The following PLEKHA7 variants were observed in gnomAD, a reference collection of about 807,000 sequenced individuals.
PLEKHA7 encodes pleckstrin homology domain-containing family A member 7.
PLEKHA7 carries 104 observed loss-of-function variants against 170.0 expected under a neutral mutation model. The observed-to-expected ratio is 0.61, with a 90% CI of 0.52 to 0.72. PLEKHA7 has a LOEUF of 0.72. Among genes scored for constraint, PLEKHA7 ranks in the 30% least tolerant of loss-of-function variants. PLEKHA7 has a pLI of 0.00. For missense variants in PLEKHA7, 1,615 were observed against 1,671.7 expected (o/e 0.97, Z 0.59); for synonymous variants, 648 against 660.8 (o/e 0.98, Z 0.30).
At chr11:16,833,420 A>C (rs929943599) in intron 9 of PLEKHA7, among the ~76,000 whole-genome samples, 4 of 152,180 alleles carry the variant, frequency 2.6e-5, no homozygotes, top group African/African-American at 9.7e-5. Context: ...CACTTTATTC[A>C]TTCCTGCCTG....
Position 17,014,026 on chromosome 11 carries a change from C to T in PLEKHA7, c.184G>A (p.Glu62Lys), listed in dbSNP as rs1001185009. 4.4e-5 allele frequency: 69 copies of T among 1,554,416 alleles called. No homozygotes were observed. The highest frequency in any genetic ancestry group is 5.8e-5 in the Non-Finnish European group (67 of 1,149,850). The change falls in exon 3 of 27, where the codon GAG becomes AAG. Residue 62 changes from glutamate to lysine, a missense_variant. Transcript: ENST00000531066. ...CTGGCGCCCTCCTCCGTGAAGCCCT[C>T]CTCCCAGCCGCGGGGCAGGTCTGCG... ...IRSDLPRGWEEGFTEEGASYF... is the reference protein window; with the variant it reads ...IRSDLPRGWEKGFTEEGASYF...
chr11:16,990,127 T>C (rs1001301632), intron 3 of PLEKHA7, among the ~76,000 whole-genome samples: 1 of 151,044 alleles, frequency 6.6e-6, no homozygotes, highest in Non-Finnish European at 1.5e-5. Flanking sequence ...TTCTCCAGAG[T>C]TCCTCAGCTC....
At chr11:16,853,483 C>T (rs1293686377) in intron 6 of PLEKHA7, among the ~76,000 whole-genome samples, 1 of 152,206 alleles carries the variant, frequency 6.6e-6, no homozygotes, top group African/African-American at 2.4e-5. Context: ...ATATCACTTC[C>T]TCCGGGAAGC....
At chr11:16,779,112 G>A in intron 26 of PLEKHA7, 92 bp from the exon 27 acceptor site, 1 of 696,528 alleles carries the variant, frequency 1.4e-6, no homozygotes, top group South Asian at 1.5e-5. Context: ...AGGCGGACAG[G>A]CAGAGCAGCA....
chr11:16,926,925 C>G (rs1859593962), intron 3 of PLEKHA7, among the ~76,000 whole-genome samples: 1 of 152,206 alleles, frequency 6.6e-6, no homozygotes, highest in Non-Finnish European at 1.5e-5. Context: ...ATTTGGGAAC[C>G]TTCACTTGAG....
intron 3 of PLEKHA7, among the ~76,000 whole-genome samples, chr11:16,908,805 A>C (rs1858046379): frequency 6.6e-6 from 1 of 152,192 alleles, no homozygotes; most frequent in South Asian, 2.1e-4. Flanking sequence ...CAAGAAAATA[A>C]ACTTCTATCA....
chr11:16,890,375 T>A (rs960408900), intron 3 of PLEKHA7, among the ~76,000 whole-genome samples: 1 of 151,944 alleles, frequency 6.6e-6, no homozygotes, highest in African/African-American at 2.4e-5. Context: ...AAAAACAAGA[T>A]CCAACCACAT....
intron 3 of PLEKHA7, among the ~76,000 whole-genome samples, chr11:17,007,585 T>C (rs1161409068): frequency 6.6e-6 from 1 of 151,390 alleles, no homozygotes; most frequent in Non-Finnish European, 1.5e-5. Flanking sequence ...TTTTTTTTTT[T>C]TTTTTTGAGA....
Position 16,877,333 on chromosome 11 carries a change from T to C in PLEKHA7, c.222-6151A>G, listed in dbSNP as rs553145823. ...AATGTTCCTAGTTAGGTCTCAAAAC[T>C]GGAAATTGAAACTCTGAGAATACAA... is the stretch of plus-strand genomic sequence containing the variant. On this transcript the variant is annotated intron_variant, in intron 3 of 26. Coordinates refer to ENST00000531066, the MANE Select transcript of PLEKHA7 (RefSeq NM_001329630.2). Among the ~76,000 whole-genome samples the C allele has an allele frequency of 1.8e-4, 27 of 152,294 alleles. 1 individual carries two copies. The South Asian group carries it at 5.4e-3, about 30-fold the overall frequency.
intron 4 of PLEKHA7, among the ~76,000 whole-genome samples, chr11:16,863,174 T>C (rs939902135): frequency 6.6e-6 from 1 of 151,778 alleles, no homozygotes; most frequent in African/African-American, 2.4e-5. Flanking sequence ...CATAGATGAG[T>C]CTCACCCTGC....
Position 17,014,145 on chromosome 11 carries a change from G to A in PLEKHA7, c.143C>T (p.Ser48Leu). 6.2e-7 allele frequency: 1 copy of A among 1,601,858 alleles called. No homozygotes were observed. Among genetic ancestry groups the A allele is most frequent in the Non-Finnish European group, 8.5e-7 (1 of 1,175,690 alleles). The change falls in exon 2 of 27, where the codon TCG becomes TTG. Residue 48 changes from serine (S) to leucine (L), a missense_variant. By Grantham distance (145) the Ser-to-Leu change is moderately radical (BLOSUM62 -2). Coordinates refer to ENST00000531066, the MANE Select transcript of PLEKHA7 (RefSeq NM_001329630.2). ...CCCACCTGAGCGGATCATGTGGCCC[G>A]AGTTGACGGGCTCCCCGGTGCGCGG... ...LHPRTGEPVN[S>L]GHMIRSDLPR...
intron 26 of PLEKHA7, among the ~76,000 whole-genome samples, chr11:16,782,477 G>C (rs1349984624): frequency 6.6e-6 from 1 of 152,220 alleles, no homozygotes; most frequent in Non-Finnish European, 1.5e-5. Context: ...AAGTGGGGTA[G>C]CAGCACCACT....
In PLEKHA7 at chr11:16,801,074, T is replaced by G. The variant is rs1252077340; in HGVS notation, c.2309A>C (p.Glu770Ala). ...GTATTCGTTCCAAGCATTTTCCATC[T>G]CCTGTTGGCCAAGACAATGCTTCCG... Reference protein sequence around the residue: ...IRAELSRESTEMENAWNEYLK... With the variant: ...IRAELSRESTAMENAWNEYLK... Residue 770 changes from glutamate (E) to alanine (A), a missense_variant and splice_region_variant, in exon 17 of 27, where the codon GAG becomes GCG. Coordinates refer to ENST00000531066, the MANE Select transcript of PLEKHA7 (RefSeq NM_001329630.2). 1 of 1,613,932 alleles carries G rather than the reference T, an allele frequency of 6.2e-7. No individual in the cohort carries two copies. Among genetic ancestry groups the G allele is most frequent in the Admixed American group, 1.7e-5 (1 of 60,024 alleles).
chr11:16,936,294 C>G (rs898226313), intron 3 of PLEKHA7, among the ~76,000 whole-genome samples: 4 of 145,442 alleles, frequency 2.8e-5, no homozygotes, highest in African/African-American at 7.6e-5. Flanking sequence ...CCCAGCTACT[C>G]GGGAGGCTGA....
At chr11:16,779,290 T>C (rs1461443996) in intron 26 of PLEKHA7, among the ~76,000 whole-genome samples, 1 of 152,196 alleles carries the variant, frequency 6.6e-6, no homozygotes. Flanking sequence ...AAAGGTGCAG[T>C]CTGGCCCTGC....
At chr11:16,927,494 C>T (rs1193884197) in intron 3 of PLEKHA7, among the ~76,000 whole-genome samples, 1 of 152,102 alleles carries the variant, frequency 6.6e-6, no homozygotes, top group South Asian at 2.1e-4. Context: ...GCCACCAGCA[C>T]TTATCATCTC....
At chr11:16,872,129 C>T (rs542937018) in intron 3 of PLEKHA7, among the ~76,000 whole-genome samples, 1 of 152,008 alleles carries the variant, frequency 6.6e-6, no homozygotes, top group African/African-American at 2.4e-5. Flanking sequence ...CTACCACGCC[C>T]GGCTTATTTT....
intron 3 of PLEKHA7, among the ~76,000 whole-genome samples, chr11:16,918,472 ATCC>A (rs1858852109): frequency 6.6e-6 from 1 of 152,142 alleles, no homozygotes; most frequent in Non-Finnish European, 1.5e-5. Context: ...TCTCCAACCT[ATCC>A]TCTGTAACCT....
rs1239432781 is a variant in PLEKHA7 at position 16,802,038 on chromosome 11, TA to T, written c.2158-222del. On this transcript the variant is annotated intron_variant, in intron 15 of 26. Transcript: ENST00000531066. ...CTCTGTGCCTCAATTTTGTCATCTA[TA>T]AACTAGGGATACAGCTGTCTAACTC... Among the ~76,000 whole-genome samples the T allele has an allele frequency of 3.9e-5, 6 of 152,006 alleles. No homozygotes were observed. In the East Asian group the frequency reaches 1.2e-3, roughly 29 times the overall value.
Sources: allele counts gnomAD v4.1 joint callset (sites outside exome capture counted in the v4.1 genomes callset), GRCh38; gene constraint gnomAD v4.1.1; transcripts MANE v1.5; gene names NCBI Gene and HGNC (gene_info 2026-07-23, HGNC 2026-07-21).